TEC: variants seen among roughly 807,000 people sequenced by gnomAD.
TEC encodes the protein tec protein tyrosine kinase, also known as tyrosine-protein kinase Tec.
TEC carries 72 observed loss-of-function variants against 93.0 expected under a neutral mutation model. The ratio of observed to expected loss-of-function variants is 0.77; its 90% confidence interval spans 0.64 to 0.94. The LOEUF (loss-of-function observed/expected upper bound fraction) is 0.94, where lower values mean the gene tolerates loss of function less well. Among genes scored for constraint, TEC ranks in the 40% least tolerant of loss-of-function variants. The pLI is 0.00. For synonymous variants in TEC, 249 were observed against 247.7 expected (o/e 1.01, Z -0.05); for missense variants, 630 against 757.9 (o/e 0.83, Z 1.98).
intron 2 of TEC, among the ~76,000 whole-genome samples, chr4:48,197,293 C>T (rs1478286853): frequency 6.6e-6 from 1 of 152,156 alleles, no homozygotes; most frequent in African/African-American, 2.4e-5. Flanking sequence ...ACTCTGCAAC[C>T]TTGGGCAAAG....
intron 2 of TEC, among the ~76,000 whole-genome samples, chr4:48,211,071 CAG>C (rs1208402156): frequency 1.3e-5 from 2 of 152,158 alleles, no homozygotes; most frequent in African/African-American, 4.8e-5. Flanking sequence ...AGGTGAGACA[CAG>C]AGAGATTAAG....
intron 1 of TEC, among the ~76,000 whole-genome samples, chr4:48,249,568 G>T (rs1316622904): frequency 2.6e-5 from 4 of 152,194 alleles, no homozygotes; most frequent in African/African-American, 9.7e-5. Flanking sequence ...TGGTGTACTT[G>T]GCTGAATGGC....
chr4:48,197,178 A>C (rs4695357), intron 2 of TEC, among the ~76,000 whole-genome samples: 84,036 of 152,016 alleles, frequency 0.55, 23,858 homozygotes, highest in African/African-American at 0.65. Flanking sequence ...ACAATTTGGT[A>C]GCCCAAAAAA....
At chr4:48,188,063 A>G (rs1401231030) in intron 2 of TEC, among the ~76,000 whole-genome samples, 1 of 152,136 alleles carries the variant, frequency 6.6e-6, no homozygotes, top group Non-Finnish European at 1.5e-5. Flanking sequence ...GTGACATAAC[A>G]TTACTTCCCA....
At chr4:48,175,325 G>C (rs1305510893) in intron 3 of TEC, among the ~76,000 whole-genome samples, 2 of 152,158 alleles carry the variant, frequency 1.3e-5, no homozygotes, top group Non-Finnish European at 2.9e-5. Flanking sequence ...AAAGACTTTT[G>C]CAACTTTCCT....
chr4:48,264,586 C>T (rs1424213026), intron 1 of TEC, among the ~76,000 whole-genome samples: 1 of 151,924 alleles, frequency 6.6e-6, no homozygotes, highest in Non-Finnish European at 1.5e-5. Flanking sequence ...AAAAGCCCAG[C>T]CAGATTCCCC....
At chr4:48,211,004 T>C (rs1407851890) in intron 2 of TEC, among the ~76,000 whole-genome samples, 1 of 152,170 alleles carries the variant, frequency 6.6e-6, no homozygotes, top group Non-Finnish European at 1.5e-5. Flanking sequence ...TCTATACTGA[T>C]CCATTTACCC....
chr4:48,139,068 GT>G, intron 15 of TEC, 46 bp from the exon 16 acceptor site: 1 of 1,486,822 alleles, frequency 6.7e-7, no homozygotes, highest in Non-Finnish European at 9.3e-7. Flanking sequence ...AGAACAATCT[GT>G]TTTTTCTACT....
At chr4:48,237,983 C>T (rs1723829842) in intron 1 of TEC, among the ~76,000 whole-genome samples, 1 of 152,168 alleles carries the variant, frequency 6.6e-6, no homozygotes, top group Admixed American at 6.5e-5. Flanking sequence ...TTCAAAAGTA[C>T]CAAAATGCGT....
intron 1 of TEC, among the ~76,000 whole-genome samples, chr4:48,246,057 C>T (rs976579504): frequency 3.3e-5 from 5 of 151,926 alleles, no homozygotes; most frequent in African/African-American, 1.2e-4. Context: ...TGCAGTGAGC[C>T]GAGATCACGC....
intron 1 of TEC, among the ~76,000 whole-genome samples, chr4:48,269,434 A>T (rs1724726071): frequency 6.6e-6 from 1 of 151,278 alleles, no homozygotes; most frequent in African/African-American, 2.4e-5. Flanking sequence ...GGGCGGCCTC[A>T]GGCCTGGAAC....
intron 2 of TEC, among the ~76,000 whole-genome samples, chr4:48,176,763 T>C (rs1361357137): frequency 3.3e-5 from 5 of 152,144 alleles, no homozygotes; most frequent in Non-Finnish European, 5.9e-5. Context: ...CTCCCTTTCA[T>C]TGCTACCTGC....
Position 48,174,225 on chromosome 4 carries a change from A to G in TEC, c.243+1857T>C, listed in dbSNP as rs528128618. Among the ~76,000 whole-genome samples the G allele has an allele frequency of 7.2e-4, 110 of 152,272 alleles. No individual in the cohort carries two copies. The Middle Eastern group carries it at 0.014, about 19-fold the overall frequency. On this transcript the variant is annotated intron_variant, in intron 3 of 17. Transcript: ENST00000381501. ...GAATGCGTTCTGTTCTACTTGTATT[A>G]TCATTCTTAAAAGCAACCCAAAACT...
intron 3 of TEC, among the ~76,000 whole-genome samples, chr4:48,172,906 A>G (rs914798219): frequency 1.3e-5 from 2 of 152,198 alleles, no homozygotes; most frequent in African/African-American, 4.8e-5. Flanking sequence ...GTCATTCTGA[A>G]TTGACATTGA....
At chr4:48,212,110 A>AAAAAAATATAT in intron 2 of TEC, among the ~76,000 whole-genome samples, 16 of 122,262 alleles carry the variant, frequency 1.3e-4, no homozygotes, top group African/African-American at 3.0e-4. Flanking sequence ...AAAAAAAAAA[A>AAAAAAATATAT]ATATATATAT....
chr4:48,154,017 A>T (rs1720291630), intron 9 of TEC, among the ~76,000 whole-genome samples: 1 of 152,204 alleles, frequency 6.6e-6, no homozygotes, highest in South Asian at 2.1e-4. Context: ...GGACTTGATA[A>T]AGCAACTTTT....
Position 48,156,665 on chromosome 4 carries a change from A to G in TEC, c.792+15T>C. 6.2e-7 allele frequency: 1 copy of G among 1,604,582 alleles called. No homozygotes were observed. The highest frequency in any genetic ancestry group is 8.5e-7 in the Non-Finnish European group (1 of 1,177,392). On this transcript the variant is annotated intron_variant, in intron 9 of 17. Coordinates refer to ENST00000381501, the MANE Select transcript of TEC (RefSeq NM_003215.3). ...AATTTGCCCTTAAGCCAAACCCACA[A>G]GTACAAACACTTACTTCACTGCGGA...
At chr4:48,215,149 TCTCAAAAAATAAAA>T (rs918322960) in intron 2 of TEC, among the ~76,000 whole-genome samples, 3 of 152,068 alleles carry the variant, frequency 2.0e-5, no homozygotes, top group African/African-American at 7.2e-5. Context: ...CAAGACTCCA[TCTCAAAAAATAAAA>T]CTAATTAAAA....
At chr4:48,240,621 T>C (rs768986186) in intron 1 of TEC, among the ~76,000 whole-genome samples, 12 of 152,188 alleles carry the variant, frequency 7.9e-5, no homozygotes, top group Non-Finnish European at 1.8e-4. Context: ...CTTCCCTCTA[T>C]GTCCTTTCCA....
Sources: gnomAD v4.1 joint callset for allele counts (sites outside exome capture counted in the v4.1 genomes callset) on GRCh38, gnomAD v4.1.1 for gene constraint, MANE v1.5 for transcripts, NCBI Gene and HGNC (gene_info 2026-07-23, HGNC 2026-07-21) for gene names.